CFAP92: variants seen among roughly 807,000 people sequenced by gnomAD.
The protein encoded by CFAP92 is cilia and flagella associated protein 92 (putative), also known as uncharacterized protein CFAP92.
In CFAP92, 86 loss-of-function variants were observed where a neutral mutation model predicts 106.3. That is an observed-to-expected ratio of 0.81 (90% CI 0.68 to 0.97). The LOEUF (loss-of-function observed/expected upper bound fraction) is 0.97. Among genes scored for constraint, CFAP92 ranks in the 50% least tolerant of loss-of-function variants. The pLI, the probability that CFAP92 is intolerant of heterozygous loss-of-function variation, is 0.00. For synonymous variants in CFAP92, 477 were observed against 506.4 expected (o/e 0.94, Z 0.78); for missense variants, 1,204 against 1,283.8 (o/e 0.94, Z 0.95).
At chr3:128,943,920 G>GTTTTTTTTTTTTTTT (rs768570835) in intron 10 of CFAP92, among the ~76,000 whole-genome samples, 1 of 110,134 alleles carries the variant, frequency 9.1e-6, no homozygotes, top group African/African-American at 3.8e-5. Context: ...TATTTCCCCC[G>GTTTTTTTTTTTTTTT]TTTTTTTTTT....
At chr3:129,021,370 G>T in the CFAP92 span, among the ~76,000 whole-genome samples, 5 of 152,214 alleles carry the variant, frequency 3.3e-5, no homozygotes, top group Admixed American at 6.5e-5. Flanking sequence ...TTTTCCAAGA[G>T]TTGCTCATCA....
At chr3:128,986,724 G>A (rs9822511) in intron 4 of CFAP92, among the ~76,000 whole-genome samples, 103,198 of 152,010 alleles carry the variant, frequency 0.68, 36,743 homozygotes, top group African/African-American at 0.92. Flanking sequence ...TTCCTTTTTT[G>A]CAGATGAGAA....
At chr3:129,019,941 G>A in the CFAP92 span, among the ~76,000 whole-genome samples, 3 of 151,638 alleles carry the variant, frequency 2.0e-5, no homozygotes, top group East Asian at 5.8e-4. Context: ...GCTAATTTTT[G>A]TATTTTTAGT....
chr3:128,970,535 C>CCATATTACT (rs1942713356), intron 8 of CFAP92: 1 of 152,138 alleles, frequency 6.6e-6, no homozygotes, highest in Non-Finnish European at 1.5e-5. Context: ...GGAGTTCACC[C>CCATATTACT]CATATTACTC....
In CFAP92 at chr3:128,910,143, C is replaced by T. The variant is rs1936103397; in HGVS notation, c.*156G>A. 2.5e-6 allele frequency: 4 copies of T among 1,614,088 alleles called. No homozygotes were observed. The highest frequency in any genetic ancestry group is 1.1e-5 in the South Asian group (1 of 91,078). ...TCCGCATTGGGCTCCGCAACCACGA[C>T]CACGAGGTGAGCCCAGCCCAGCCTC... On this transcript the variant is annotated 3_prime_UTR_variant, in exon 16 of 16. Coordinates refer to ENST00000645291, the MANE Select transcript of CFAP92 (RefSeq NM_001394090.1).
At chr3:129,026,304 A>G in the CFAP92 span, among the ~76,000 whole-genome samples, 3 of 152,212 alleles carry the variant, frequency 2.0e-5, no homozygotes, top group Non-Finnish European at 4.4e-5. Context: ...CCCTGGGGGT[A>G]AAAGCTGTCC....
intron 12 of CFAP92, among the ~76,000 whole-genome samples, chr3:128,926,195 TGAGA>T (rs759820605): frequency 1.3e-5 from 2 of 152,186 alleles, no homozygotes; most frequent in East Asian, 3.8e-4. Flanking sequence ...TCAACATTAT[TGAGA>T]GAGAGACAGA....
At chr3:128,933,089 G>A in intron 11 of CFAP92, 92 bp from the exon 12 acceptor site, 1 of 1,216,124 alleles carries the variant, frequency 8.2e-7, no homozygotes, top group Admixed American at 2.0e-5. Context: ...TGAACACTCA[G>A]AGGCTGCTTA....
the CFAP92 span, among the ~76,000 whole-genome samples, chr3:129,013,227 A>G: frequency 6.6e-6 from 1 of 152,140 alleles, no homozygotes; most frequent in Admixed American, 6.5e-5. Context: ...GGATATAGAC[A>G]GTCAAAGTGG....
In CFAP92 at chr3:128,945,246, C is replaced by T. The variant is rs1471101592; in HGVS notation, c.2083G>A (p.Val695Ile). Residue 695 changes from valine to isoleucine, a missense_variant, in exon 10 of 16, where the codon GTC becomes ATC. Coordinates refer to ENST00000645291, the MANE Select transcript of CFAP92 (RefSeq NM_001394090.1). ...GACAGGATCTGCTGCAGGGTCCTGA[C>T]AGGGTAGGAGTCCAGGCCGAGGGCC... ...AKALGLDSYP[V>I]RTLQQILSAF... 2 of 1,536,038 alleles carry T rather than the reference C, an allele frequency of 1.3e-6. No homozygotes were observed. The highest frequency in any genetic ancestry group is 1.4e-5 in the African/African-American group (1 of 73,038).
the CFAP92 span, among the ~76,000 whole-genome samples, chr3:129,017,364 G>A: frequency 6.6e-6 from 1 of 152,238 alleles, no homozygotes; most frequent in African/African-American, 2.4e-5. Flanking sequence ...CACTCTTAGT[G>A]ACTTGAAACA....
intron 9 of CFAP92, among the ~76,000 whole-genome samples, chr3:128,953,656 C>T (rs1172104825): frequency 7.4e-6 from 1 of 135,340 alleles, no homozygotes; most frequent in Non-Finnish European, 1.5e-5. Flanking sequence ...CGGTCTCCCT[C>T]TCATGCGGAG....
At chr3:128,915,068 T>C (rs1231181643) in intron 15 of CFAP92, 51 bp downstream of exon 15, 11 of 1,519,150 alleles carry the variant, frequency 7.2e-6, no homozygotes, top group Non-Finnish European at 7.0e-6. Context: ...ACAGAGCTCC[T>C]GCCTGCCCAC....
At chr3:128,978,250 C>T (rs954592946) in intron 4 of CFAP92, 65 bp from the exon 5 acceptor site, 27 of 1,558,042 alleles carry the variant, frequency 1.7e-5, no homozygotes, top group Non-Finnish European at 2.2e-5. Flanking sequence ...GAATTAACTA[C>T]TATGGGCATT....
the CFAP92 span, among the ~76,000 whole-genome samples, chr3:129,013,358 A>G: frequency 1.3e-5 from 2 of 152,172 alleles, no homozygotes; most frequent in Admixed American, 1.3e-4. Flanking sequence ...CCTTAGGCCA[A>G]AAGAAAAGTA....
chr3:128,982,910 A>G (rs1218045600), intron 4 of CFAP92, among the ~76,000 whole-genome samples: 1 of 152,230 alleles, frequency 6.6e-6, no homozygotes, highest in Non-Finnish European at 1.5e-5. Context: ...AAACATTTAC[A>G]ATAGTGACTT....
chr3:128,960,507 C>T (rs1941810787), intron 9 of CFAP92, among the ~76,000 whole-genome samples: 1 of 152,246 alleles, frequency 6.6e-6, no homozygotes, highest in South Asian at 2.1e-4. Flanking sequence ...AATTTCAATT[C>T]CTTTCATTTT....
At chr3:128,965,743 A>C in intron 8 of CFAP92, 48 bp from the exon 9 acceptor site, 2 of 398,318 alleles carry the variant, frequency 5.0e-6, no homozygotes, top group Non-Finnish European at 8.9e-6. Flanking sequence ...GACACCCCCA[A>C]GACACGCACA....
chr3:128,963,759 C>T (rs1407815339), intron 9 of CFAP92, among the ~76,000 whole-genome samples: 1 of 149,930 alleles, frequency 6.7e-6, no homozygotes, highest in Non-Finnish European at 1.5e-5. Context: ...CTCAGAACCT[C>T]TCATTTCCTT....
Sources: gnomAD v4.1 joint callset for allele counts (sites outside exome capture counted in the v4.1 genomes callset) on GRCh38, gnomAD v4.1.1 for gene constraint, MANE v1.5 for transcripts, NCBI Gene and HGNC (gene_info 2026-07-23, HGNC 2026-07-21) for gene names.